NOVA1: variants seen among roughly 807,000 people sequenced by gnomAD.
NOVA1 encodes NOVA alternative splicing regulator 1.
NOVA1 carries 7 observed loss-of-function variants against 38.0 expected under a neutral mutation model. The ratio of observed to expected loss-of-function variants is 0.18; its 90% CI spans 0.10 to 0.35. The LOEUF (loss-of-function observed/expected upper bound fraction) is 0.35, where lower values mean the gene tolerates loss of function less well. NOVA1 is among the 10% of genes least tolerant of loss of function. NOVA1 has a pLI of 1.00. For missense variants in NOVA1, 460 were observed against 616.0 expected (o/e 0.75, Z 2.68); for synonymous variants, 270 against 232.5 (o/e 1.16, Z -1.47).
intron 2 of NOVA1, among the ~76,000 whole-genome samples, chr14:26,582,776 A>T (rs1893300781): frequency 6.6e-6 from 1 of 151,792 alleles, no homozygotes; most frequent in South Asian, 2.1e-4. Flanking sequence ...ACAGAAATTA[A>T]AAAACAGGTT....
chr14:26,520,397 A>T (rs999509831), intron 2 of NOVA1, among the ~76,000 whole-genome samples: 4 of 152,160 alleles, frequency 2.6e-5, no homozygotes, highest in African/African-American at 9.7e-5. Context: ...TATACTGAGA[A>T]ATTACTATAT....
chr14:26,466,915 T>G (rs1884188377), intron 4 of NOVA1, among the ~76,000 whole-genome samples: 1 of 152,178 alleles, frequency 6.6e-6, no homozygotes, highest in South Asian at 2.1e-4. Context: ...ATCTTGGACT[T>G]CCCAGCCTTC....
intron 2 of NOVA1, among the ~76,000 whole-genome samples, chr14:26,556,688 A>C (rs1003146139): frequency 6.6e-6 from 1 of 152,180 alleles, no homozygotes; most frequent in Non-Finnish European, 1.5e-5. Flanking sequence ...CTCTGTGGAA[A>C]ACACTATTAA....
intron 2 of NOVA1, among the ~76,000 whole-genome samples, chr14:26,574,283 C>G (rs1456485156): frequency 8.5e-6 from 1 of 117,144 alleles, no homozygotes; most frequent in African/African-American, 3.3e-5. Flanking sequence ...CCCCCCCCGC[C>G]CCCTCGGCCT....
In NOVA1 at chr14:26,445,672, A is replaced by G. The variant is rs1250585266; in HGVS notation, c.*2287T>C. 1 of 152,198 alleles carries G rather than the reference A, an allele frequency of 6.6e-6. No homozygotes were observed. Among genetic ancestry groups the G allele is most frequent in the East Asian group, 1.9e-4 (1 of 5,186 alleles). The allele number at this position is 152,198 out of a possible 1,614,324, so 9.4% of individuals were successfully genotyped here. A position where few individuals can be genotyped will look rare whatever the true frequency, so the allele number is the denominator to read the frequency against. On this transcript the variant is annotated 3_prime_UTR_variant, in exon 5 of 5. Coordinates refer to ENST00000539517, the MANE Select transcript of NOVA1 (RefSeq NM_002515.3). ...GCTAAGACTGAACAAAACATTTTAA[A>G]GACCCAACATTTGAAATGCTTCTAG...
At chr14:26,544,905 G>A (rs529294904) in intron 2 of NOVA1, among the ~76,000 whole-genome samples, 19 of 152,086 alleles carry the variant, frequency 1.2e-4, no homozygotes, top group East Asian at 1.9e-4. Flanking sequence ...TAATAAACCC[G>A]TTAGAGTGAT....
chr14:26,540,366 G>A (rs1890386401), intron 2 of NOVA1, among the ~76,000 whole-genome samples: 1 of 152,180 alleles, frequency 6.6e-6, no homozygotes, highest in Non-Finnish European at 1.5e-5. Context: ...AGGTGGAGCA[G>A]TTTCATCCTG....
intron 2 of NOVA1, among the ~76,000 whole-genome samples, chr14:26,487,467 T>C (rs1278230871): frequency 6.6e-6 from 1 of 152,064 alleles, no homozygotes; most frequent in African/African-American, 2.4e-5. Context: ...GTTAGTATAA[T>C]TGATTGACAC....
intron 2 of NOVA1, among the ~76,000 whole-genome samples, chr14:26,564,205 T>TC (rs1204340066): frequency 2.0e-5 from 3 of 152,112 alleles, no homozygotes; most frequent in African/African-American, 7.2e-5. Context: ...GTACATAACT[T>TC]CACCATTTCA....
intron 2 of NOVA1, among the ~76,000 whole-genome samples, chr14:26,576,901 T>C (rs1892886655): frequency 6.6e-6 from 1 of 151,986 alleles, no homozygotes; most frequent in South Asian, 2.1e-4. Context: ...TCTTAGTACA[T>C]TTTAGTATAC....
chr14:26,550,458 T>C (rs908500545), intron 2 of NOVA1, among the ~76,000 whole-genome samples: 1 of 152,164 alleles, frequency 6.6e-6, no homozygotes, highest in African/African-American at 2.4e-5. Flanking sequence ...TCTTCATCCT[T>C]AGCCCATATA....
At chr14:26,525,889 A>G (rs1171355701) in intron 2 of NOVA1, among the ~76,000 whole-genome samples, 1 of 152,118 alleles carries the variant, frequency 6.6e-6, no homozygotes. Context: ...CATTTTAAAT[A>G]TAGTAGTATG....
Position 26,445,248 on chromosome 14 carries a change from T to G in NOVA1, c.*2711A>C, listed in dbSNP as rs1335755230. 6.6e-6 allele frequency: 1 copy of G among 152,224 alleles called. No homozygotes were observed. Among genetic ancestry groups the G allele is most frequent in the Non-Finnish European group, 1.5e-5 (1 of 68,042 alleles). 9.4% of individuals were successfully genotyped at this position (152,224 alleles called of 1,614,324 possible). ...ACAGCCATTGTTACATGCCTACCTG[T>G]GGCAGTTTGAAGCCATACTAATTTT... On this transcript the variant is annotated 3_prime_UTR_variant, in exon 5 of 5. Coordinates refer to ENST00000539517, the MANE Select transcript of NOVA1 (RefSeq NM_002515.3).
At chr14:26,499,788 A>C (rs559846235) in intron 2 of NOVA1, among the ~76,000 whole-genome samples, 2 of 152,150 alleles carry the variant, frequency 1.3e-5, no homozygotes, top group African/African-American at 4.8e-5. Context: ...TGTGTGACTT[A>C]TAAAGTGTTT....
At chr14:26,474,043 G>C (rs1884792934) in intron 3 of NOVA1, among the ~76,000 whole-genome samples, 1 of 151,856 alleles carries the variant, frequency 6.6e-6, no homozygotes, top group African/African-American at 2.4e-5. Flanking sequence ...TCTATGAATT[G>C]AACAGTAAAG....
At chr14:26,542,501 T>C (rs1032963519) in intron 2 of NOVA1, among the ~76,000 whole-genome samples, 18 of 151,978 alleles carry the variant, frequency 1.2e-4, no homozygotes, top group African/African-American at 4.1e-4. Flanking sequence ...CATTTCAAAT[T>C]GAGACAACTT....
At chr14:26,481,374 A>G (rs890731058) in intron 2 of NOVA1, among the ~76,000 whole-genome samples, 1 of 152,132 alleles carries the variant, frequency 6.6e-6, no homozygotes, top group Non-Finnish European at 1.5e-5. Flanking sequence ...TTAAAAAGTC[A>G]TAAGGAGTTT....
intron 2 of NOVA1, among the ~76,000 whole-genome samples, chr14:26,591,874 G>A (rs920301021): frequency 6.6e-6 from 1 of 151,142 alleles, no homozygotes; most frequent in African/African-American, 2.4e-5. Context: ...TATAATGAAT[G>A]TACAAATAAT....
chr14:26,521,539 A>G (rs1031406186), intron 2 of NOVA1, among the ~76,000 whole-genome samples: 17 of 152,174 alleles, frequency 1.1e-4, no homozygotes, highest in African/African-American at 3.8e-4. Flanking sequence ...TTTTCCTTTT[A>G]TAACAGATTT....
Sources: allele counts gnomAD v4.1 joint callset (sites outside exome capture counted in the v4.1 genomes callset), GRCh38; gene constraint gnomAD v4.1.1; transcripts MANE v1.5; gene names NCBI Gene and HGNC (gene_info 2026-07-23, HGNC 2026-07-21).